The following SPAG16 variants were observed in gnomAD, a reference collection of about 807,000 sequenced individuals.
The protein encoded by SPAG16 is sperm associated antigen 16.
Under a neutral mutation model 80.4 loss-of-function variants are expected in SPAG16, and 86 were observed. The ratio of observed to expected loss-of-function variants is 1.07; its 90% CI spans 0.90 to 1.28. The LOEUF (loss-of-function observed/expected upper bound fraction) is 1.28. Among genes scored for constraint, SPAG16 ranks in the 50% most tolerant of loss-of-function variants. SPAG16 has a pLI of 0.00. For synonymous variants in SPAG16, 294 were observed against 265.9 expected, an observed-to-expected ratio of 1.11 and a Z score of -1.03; for missense variants, 870 against 765.3, an observed-to-expected ratio of 1.14 and a Z score of -1.61.
At chr2:213,468,581 TTATA>T (rs959709576) in intron 9 of SPAG16, among the ~76,000 whole-genome samples, 3 of 144,676 alleles carry the variant, frequency 2.1e-5, no homozygotes, top group Admixed American at 7.0e-5. Flanking sequence ...ATCTATGTAT[TTATA>T]TATAGAGATA....
chr2:214,090,238 G>A (rs1420252496), intron 13 of SPAG16, among the ~76,000 whole-genome samples: 3 of 151,816 alleles, frequency 2.0e-5, no homozygotes, highest in Non-Finnish European at 2.9e-5. Context: ...AAGAAAAAAA[G>A]AAGAATGATA....
chr2:214,134,767 G>A (rs923109408), intron 14 of SPAG16, among the ~76,000 whole-genome samples: 18 of 151,956 alleles, frequency 1.2e-4, no homozygotes, highest in African/African-American at 4.8e-5. Flanking sequence ...TCCCTTTAAC[G>A]TATCGATATT....
intron 15 of SPAG16, among the ~76,000 whole-genome samples, chr2:214,170,033 G>A (rs1276774023): frequency 6.6e-6 from 1 of 151,960 alleles, no homozygotes; most frequent in African/African-American, 2.4e-5. Flanking sequence ...AAATTCAGAT[G>A]AAGCCATATA....
At chr2:214,033,480 C>A (rs993157405) in intron 13 of SPAG16, among the ~76,000 whole-genome samples, 4 of 152,070 alleles carry the variant, frequency 2.6e-5, no homozygotes, top group African/African-American at 9.7e-5. Flanking sequence ...ATAATCCAGG[C>A]AGAAGAGTTT....
chr2:213,484,767 A>G (rs2073903814), intron 9 of SPAG16, among the ~76,000 whole-genome samples: 1 of 152,212 alleles, frequency 6.6e-6, no homozygotes, highest in African/African-American at 2.4e-5. Flanking sequence ...GCTTGCTCCC[A>G]GATTCACGTT....
intron 9 of SPAG16, among the ~76,000 whole-genome samples, chr2:213,478,149 G>C (rs2073529513): frequency 6.6e-6 from 1 of 152,144 alleles, no homozygotes; most frequent in African/African-American, 2.4e-5. Flanking sequence ...GGTCTCCCCA[G>C]CGATCTGGAG....
intron 9 of SPAG16, among the ~76,000 whole-genome samples, chr2:213,382,553 AT>A (rs1264915500): frequency 6.6e-6 from 1 of 152,216 alleles, no homozygotes; most frequent in Non-Finnish European, 1.5e-5. Flanking sequence ...CCCAAGGAGA[AT>A]TGTCTTATAT....
At chr2:214,084,722 A>G (rs1483463064) in intron 13 of SPAG16, among the ~76,000 whole-genome samples, 2 of 152,204 alleles carry the variant, frequency 1.3e-5, no homozygotes, top group African/African-American at 2.4e-5. Flanking sequence ...CCCTACTTCA[A>G]TAAGTGACAC....
intron 12 of SPAG16, among the ~76,000 whole-genome samples, chr2:213,983,523 C>T (rs994023251): frequency 3.3e-5 from 5 of 151,972 alleles, no homozygotes; most frequent in African/African-American, 1.2e-4. Context: ...GCTTCTTATA[C>T]TGTATAATTC....
intron 15 of SPAG16, among the ~76,000 whole-genome samples, chr2:214,332,899 G>A (rs1697022047): frequency 6.6e-6 from 1 of 152,154 alleles, no homozygotes; most frequent in Non-Finnish European, 1.5e-5. Flanking sequence ...AACCTGGAAT[G>A]GGGATAGGAG....
intron 13 of SPAG16, among the ~76,000 whole-genome samples, chr2:214,082,882 C>A (rs1485865284): frequency 6.6e-6 from 1 of 152,196 alleles, no homozygotes; most frequent in Non-Finnish European, 1.5e-5. Flanking sequence ...CCCACCCCAT[C>A]ACTCAGACTT....
In SPAG16 at chr2:214,250,751, T is replaced by TAGAGAGAGAGAGAG. The variant is rs751433547; in HGVS notation, c.1720+101486_1720+101487insGAGAGAGAGAGAGA. The stretch of plus-strand genomic sequence containing the variant: ...GCTTTGAGATATATATATATATATA[T>TAGAGAGAGAGAGAG]ATATATAGAGAGAGAGAGAGAGAGA... On this transcript the variant is annotated intron_variant, in intron 15 of 15. Transcript: ENST00000331683. Among the ~76,000 whole-genome samples the TAGAGAGAGAGAGAG allele has an allele frequency of 1.8e-3, 175 of 98,810 alleles. 1 individual carries two copies. Among genetic ancestry groups the TAGAGAGAGAGAGAG allele is most frequent in the Non-Finnish European group, 2.5e-3 (121 of 47,660 alleles). 64.8% of individuals were successfully genotyped at this position (98,810 alleles called of 152,430 possible). A position where few individuals can be genotyped will look rare whatever the true frequency, so the allele number is the denominator to read the frequency against.
chr2:213,950,949 G>A lies in SPAG16; in HGVS notation c.1400+20804G>A, dbSNP rs544026530. Among the ~76,000 whole-genome samples, 6 of 151,132 alleles carry A rather than the reference G, an allele frequency of 4.0e-5. No homozygotes were observed. In the East Asian group the frequency reaches 1.2e-3, roughly 30 times the overall value. On this transcript the variant is annotated intron_variant, in intron 12 of 15. Coordinates refer to ENST00000331683, the MANE Select transcript of SPAG16 (RefSeq NM_024532.5). ...GCTGGCCTTGAATTCCTGTGCTTAAGTGATCTTCTGCCTTGGCCTCCCAAA... is the reference window on the plus strand; with the variant it reads ...GCTGGCCTTGAATTCCTGTGCTTAAATGATCTTCTGCCTTGGCCTCCCAAA...
intron 15 of SPAG16, among the ~76,000 whole-genome samples, chr2:214,346,669 T>C (rs1480648097): frequency 6.6e-6 from 1 of 152,188 alleles, no homozygotes; most frequent in Non-Finnish European, 1.5e-5. Flanking sequence ...AAAACTTGCT[T>C]TTGAAGCCCT....
At chr2:213,683,766 TA>T (rs2064515241) in intron 10 of SPAG16, among the ~76,000 whole-genome samples, 1 of 152,196 alleles carries the variant, frequency 6.6e-6, no homozygotes, top group Non-Finnish European at 1.5e-5. Context: ...CATATATACA[TA>T]ATTTGGTAGA....
At chr2:214,291,298 T>TCC in intron 15 of SPAG16, among the ~76,000 whole-genome samples, 1 of 96,632 alleles carries the variant, frequency 1.0e-5, no homozygotes. Flanking sequence ...TAGATCATGT[T>TCC]TCTTTTTTTT....
At chr2:214,097,320 T>C (rs899469834) in intron 13 of SPAG16, among the ~76,000 whole-genome samples, 2 of 151,998 alleles carry the variant, frequency 1.3e-5, no homozygotes, top group Non-Finnish European at 2.9e-5. Flanking sequence ...ATGATTCTTT[T>C]TAATTTCAGT....
intron 10 of SPAG16, among the ~76,000 whole-genome samples, chr2:213,861,175 T>TA (rs2075441041): frequency 6.6e-6 from 1 of 152,192 alleles, no homozygotes; most frequent in Non-Finnish European, 1.5e-5. Context: ...GCCATGCCCA[T>TA]AGTGGTTACA....
chr2:213,646,368 A>G (rs2062826151), intron 10 of SPAG16, among the ~76,000 whole-genome samples: 1 of 152,182 alleles, frequency 6.6e-6, no homozygotes, highest in African/African-American at 2.4e-5. Context: ...TTTATTATAT[A>G]CAATGAAGAA....
Sources: allele counts gnomAD v4.1 joint callset (sites outside exome capture counted in the v4.1 genomes callset), GRCh38; gene constraint gnomAD v4.1.1; transcripts MANE v1.5; gene names NCBI Gene and HGNC (gene_info 2026-07-23, HGNC 2026-07-21).